The following ZFHX3 variants were observed in gnomAD, a reference collection of about 807,000 sequenced individuals.
ZFHX3 encodes zinc finger homeobox 3.
In ZFHX3, 42 loss-of-function variants were observed where a neutral mutation model predicts 279.1. The ratio of observed to expected loss-of-function variants is 0.15; its 90% confidence interval spans 0.12 to 0.19. The LOEUF is 0.19. ZFHX3 is among the 10% of genes least tolerant of loss of function. The pLI is 1.00. For synonymous variants in ZFHX3, 2,293 were observed against 1,957.8 expected, an observed-to-expected ratio of 1.17 and a Z score of -4.52; for missense variants, 4,981 against 4,754.0, an observed-to-expected ratio of 1.05 and a Z score of -1.40.
rs750714180 is a variant in ZFHX3 at position 72,950,752 on chromosome 16, G to A, written c.2933C>T (p.Ala978Val). The change falls in exon 3 of 10, where the codon GCG (alanine) becomes GTG (valine). Residue 978 changes from alanine to valine, a missense_variant. By Grantham distance (64) the Ala-to-Val change is moderately conservative. Coordinates refer to ENST00000268489, the MANE Select transcript of ZFHX3 (RefSeq NM_006885.4). The stretch of plus-strand genomic sequence containing the variant: ...GCACTGGTATGAGTCCCCCATCACC[G>A]CCTTCCACTCGTCCTCCGACAGGCT... The part of the protein sequence containing the change: ...ERSLSEDEWK[A>V]VMGDSYQCKL... The A allele has an allele frequency of 1.3e-5, 21 of 1,614,078 alleles. No homozygotes were observed. Among genetic ancestry groups the A allele is most frequent in the East Asian group, 2.2e-5 (1 of 44,896 alleles).
intron 4 of ZFHX3, among the ~76,000 whole-genome samples, chr16:73,276,640 C>T (rs1210155167): frequency 2.6e-5 from 4 of 152,146 alleles, no homozygotes; most frequent in South Asian, 2.1e-4. Flanking sequence ...GTGTACAAAA[C>T]GATGTTTTCC....
At chr16:73,665,030 T>C (rs917966144) in intron 2 of ZFHX3, among the ~76,000 whole-genome samples, 1 of 152,218 alleles carries the variant, frequency 6.6e-6, no homozygotes, top group African/African-American at 2.4e-5. Flanking sequence ...GTGCCTCTTG[T>C]CTGCTGAAGA....
intron 7 of ZFHX3, among the ~76,000 whole-genome samples, chr16:73,129,106 C>T (rs1325647125): frequency 1.3e-5 from 2 of 152,064 alleles, no homozygotes; most frequent in African/African-American, 4.8e-5. Context: ...TTGAAGTGGG[C>T]CTGGTGCGGA....
chr16:72,823,543 A>G (rs1462196414), intron 5 of ZFHX3, among the ~76,000 whole-genome samples: 2 of 152,250 alleles, frequency 1.3e-5, no homozygotes, highest in African/African-American at 4.8e-5. Flanking sequence ...GTGCTCAGAC[A>G]TTCCATCAAG....
intron 1 of ZFHX3, among the ~76,000 whole-genome samples, chr16:73,042,379 A>G (rs149193715): frequency 6.6e-6 from 1 of 152,268 alleles, no homozygotes; most frequent in African/African-American, 2.4e-5. Context: ...GGGACCATCT[A>G]TCCAAAAGCC....
rs149099002 is a variant in ZFHX3 at position 73,005,403 on chromosome 16, G to A, written c.-50+42349C>T. Among the ~76,000 whole-genome samples the A allele has an allele frequency of 4.6e-5, 7 of 152,298 alleles. No homozygotes were observed. In the East Asian group the frequency reaches 1.4e-3, roughly 29 times the overall value. On this transcript the variant is annotated intron_variant, in intron 1 of 9. Coordinates refer to ENST00000268489, the MANE Select transcript of ZFHX3 (RefSeq NM_006885.4). ...CCAGTTACTTGAGAGACTGAGGCAG[G>A]AGAACTGCTTGAGCCTGGCAGACAA...
At chr16:73,537,980 C>T (rs1351651086) in intron 2 of ZFHX3, among the ~76,000 whole-genome samples, 1 of 152,192 alleles carries the variant, frequency 6.6e-6, no homozygotes, top group Non-Finnish European at 1.5e-5. Flanking sequence ...ATATGGGGCT[C>T]ACTGCTTTAA....
intron 1 of ZFHX3, among the ~76,000 whole-genome samples, chr16:73,848,282 A>G (rs975202443): frequency 6.6e-6 from 1 of 152,082 alleles, no homozygotes; most frequent in Non-Finnish European, 1.5e-5. Flanking sequence ...CTCTCTTAGG[A>G]GCACTCAGGA....
chr16:73,258,475 G>A (rs904824238), intron 4 of ZFHX3, among the ~76,000 whole-genome samples: 7 of 151,626 alleles, frequency 4.6e-5, no homozygotes, highest in Non-Finnish European at 5.9e-5. Flanking sequence ...TCAGCCTCCC[G>A]AGTAACTGGG....
At chr16:72,997,641 G>C (rs1021938095) in intron 1 of ZFHX3, among the ~76,000 whole-genome samples, 3 of 152,190 alleles carry the variant, frequency 2.0e-5, no homozygotes, top group African/African-American at 7.2e-5. Context: ...CTGGAGCCAG[G>C]TTTGACTTTC....
chr16:73,034,906 C>T (rs1204838714), intron 1 of ZFHX3, among the ~76,000 whole-genome samples: 3 of 152,198 alleles, frequency 2.0e-5, no homozygotes, highest in Non-Finnish European at 4.4e-5. Flanking sequence ...TGACCAAACC[C>T]GCTGTGTGCA....
chr16:73,640,262 T>G (rs138769856), intron 2 of ZFHX3, among the ~76,000 whole-genome samples: 1 of 152,112 alleles, frequency 6.6e-6, no homozygotes, highest in Admixed American at 6.5e-5. Context: ...AAGAGAATTA[T>G]CACTTGGTGG....
chr16:73,226,268 A>G (rs1340312711), intron 5 of ZFHX3, among the ~76,000 whole-genome samples: 1 of 152,196 alleles, frequency 6.6e-6, no homozygotes, highest in African/African-American at 2.4e-5. Flanking sequence ...ACTGTAGACA[A>G]GCAACAGGGA....
intron 5 of ZFHX3, among the ~76,000 whole-genome samples, chr16:73,252,973 T>A (rs981141967): frequency 6.6e-6 from 1 of 152,056 alleles, no homozygotes; most frequent in Admixed American, 6.5e-5. Context: ...AGGAAAGCAG[T>A]TGTGGAAGCA....
At chr16:73,851,029 T>C (rs1400871386) in intron 1 of ZFHX3, among the ~76,000 whole-genome samples, 1 of 152,210 alleles carries the variant, frequency 6.6e-6, no homozygotes, top group Non-Finnish European at 1.5e-5. Context: ...AATTTTCCTT[T>C]TATTAAAATA....
chr16:73,097,781 C>T (rs1046225973), intron 7 of ZFHX3, among the ~76,000 whole-genome samples: 1 of 152,194 alleles, frequency 6.6e-6, no homozygotes, highest in Non-Finnish European at 1.5e-5. Flanking sequence ...TACTTTCCGT[C>T]TCTATGAATT....
chr16:73,804,912 A>AG (rs142806232), intron 1 of ZFHX3, among the ~76,000 whole-genome samples: 33,565 of 75,366 alleles, frequency 0.45, 5,378 homozygotes, highest in South Asian at 0.62. Context: ...GGAGGGAGGG[A>AG]GGGGAGGGAG....
intron 6 of ZFHX3, among the ~76,000 whole-genome samples, chr16:73,134,036 C>T (rs567919904): frequency 2.2e-4 from 33 of 152,240 alleles, no homozygotes; most frequent in African/African-American, 6.5e-4. Flanking sequence ...TCTATGTCTA[C>T]GCCTATATCT....
chr16:73,157,694 T>G (rs1482694626), intron 5 of ZFHX3, among the ~76,000 whole-genome samples: 1 of 152,130 alleles, frequency 6.6e-6, no homozygotes, highest in Non-Finnish European at 1.5e-5. Flanking sequence ...GCTTAAATTT[T>G]GAGAGGAAAA....
Sources: gnomAD v4.1 joint callset for allele counts (sites outside exome capture counted in the v4.1 genomes callset) on GRCh38, gnomAD v4.1.1 for gene constraint, MANE v1.5 for transcripts, NCBI Gene and HGNC (gene_info 2026-07-23, HGNC 2026-07-21) for gene names.